Variants in SRRM3 observed in about 807,000 individuals in gnomAD.
The protein encoded by SRRM3 is serine/arginine repetitive matrix protein 3.
In SRRM3, 27 loss-of-function variants were observed where a neutral mutation model predicts 66.2. The observed-to-expected ratio is 0.41, with a 90% CI of 0.30 to 0.56. The LOEUF (loss-of-function observed/expected upper bound fraction) is 0.56, where lower values mean the gene tolerates loss of function less well. Ranked by LOEUF, SRRM3 falls within the 20% of genes least tolerant of loss-of-function variation. The pLI, the probability that SRRM3 is intolerant of heterozygous loss-of-function variation, is 0.32. For synonymous variants in SRRM3, 391 were observed against 414.9 expected (o/e 0.94, Z 0.70); for missense variants, 918 against 991.9 (o/e 0.93, Z 1.00).
At chr7:76,208,720 A>C (rs1800359576) in intron 1 of SRRM3, among the ~76,000 whole-genome samples, 1 of 151,924 alleles carries the variant, frequency 6.6e-6, no homozygotes, top group African/African-American at 2.4e-5. Context: ...CTGTAATCCC[A>C]GCTACTCAGG....
chr7:76,266,008 A>G (rs1802017224), intron 10 of SRRM3, among the ~76,000 whole-genome samples: 1 of 76,180 alleles, frequency 1.3e-5, no homozygotes, highest in Non-Finnish European at 2.0e-5. Flanking sequence ...AGCTGGGACT[A>G]CAGGCGCCCG....
intron 8 of SRRM3, among the ~76,000 whole-genome samples, chr7:76,264,213 G>A (rs1424637531): frequency 6.7e-6 from 1 of 149,900 alleles, no homozygotes; most frequent in African/African-American, 2.5e-5. Context: ...TATTGCCCAG[G>A]CTGGAGTGCA....
At chr7:76,216,029 G>C (rs552488589) in intron 1 of SRRM3, among the ~76,000 whole-genome samples, 43 of 150,632 alleles carry the variant, frequency 2.9e-4, no homozygotes, top group Non-Finnish European at 4.9e-4. Context: ...GGATGGTCTC[G>C]ATCTCCTGAC....
At chr7:76,256,577 T>C (rs1207050134) in intron 3 of SRRM3, among the ~76,000 whole-genome samples, 1 of 151,986 alleles carries the variant, frequency 6.6e-6, no homozygotes, top group Non-Finnish European at 1.5e-5. Flanking sequence ...ATTTATATTG[T>C]TATTTCTTGA....
chr7:76,261,607 G>A, intron 8 of SRRM3, 26 bp downstream of exon 8: 1 of 1,606,034 alleles, frequency 6.2e-7, no homozygotes, highest in Non-Finnish European at 8.5e-7. Flanking sequence ...CAGAGGACAT[G>A]GTCAGTGGTC....
chr7:76,213,211 A>T lies in SRRM3; in HGVS notation c.-40+11144A>T, dbSNP rs190771716. On this transcript the variant is annotated intron_variant, in intron 1 of 14. Transcript: ENST00000611745. ...TTTTTAGTAGAAACGGGGTTTCACT[A>T]TGTTGGCCAGGCTGGTCTCGAACTC... Among the ~76,000 whole-genome samples the T allele has an allele frequency of 3.2e-3, 488 of 151,508 alleles. 3 individuals are homozygous for T. Among genetic ancestry groups the T allele is most frequent in the South Asian group, 0.011 (52 of 4,798 alleles).
chr7:76,271,762 AAGG>A (rs1196175612), intron 11 of SRRM3, among the ~76,000 whole-genome samples: 1 of 152,186 alleles, frequency 6.6e-6, no homozygotes, highest in African/African-American at 2.4e-5. Context: ...CCCTGAGCAG[AAGG>A]AGGATTTGGG....
chr7:76,283,508 T>C (rs1563643920), intron 14 of SRRM3: 1 of 460,678 alleles, frequency 2.2e-6, no homozygotes. Flanking sequence ...TGTCTCCTTT[T>C]CTCCTTCATC....
intron 8 of SRRM3, among the ~76,000 whole-genome samples, chr7:76,261,827 T>C (rs1801880436): frequency 6.6e-6 from 1 of 151,834 alleles, no homozygotes; most frequent in Non-Finnish European, 1.5e-5. Context: ...CTAGACAACA[T>C]GGCAGGTCCA....
At chr7:76,250,388 C>T (rs1009387048) in intron 3 of SRRM3, among the ~76,000 whole-genome samples, 14 of 152,188 alleles carry the variant, frequency 9.2e-5, no homozygotes, top group Admixed American at 3.9e-4. Context: ...CCCACCATGA[C>T]GCCCCGCTAA....
At chr7:76,231,030 T>G (rs1474993532) in intron 1 of SRRM3, among the ~76,000 whole-genome samples, 1 of 152,004 alleles carries the variant, frequency 6.6e-6, no homozygotes, top group Non-Finnish European at 1.5e-5. Context: ...GGATTACAGG[T>G]GTGAGCCACT....
intron 1 of SRRM3, among the ~76,000 whole-genome samples, chr7:76,229,535 TG>T (rs1554604071): frequency 2.8e-4 from 42 of 152,110 alleles, no homozygotes; most frequent in Non-Finnish European, 1.5e-5. Context: ...ACCCTATTTT[TG>T]TTGATATATC....
At chr7:76,260,227 G>A (rs2117056955) in intron 5 of SRRM3, 30 bp downstream of exon 5, 2 of 1,501,894 alleles carry the variant, frequency 1.3e-6, no homozygotes, top group Non-Finnish European at 1.8e-6. Flanking sequence ...GGAGCGGGAA[G>A]GGAGGAGGAG....
chr7:76,241,837 C>T (rs1411965442), intron 2 of SRRM3, among the ~76,000 whole-genome samples: 2 of 152,212 alleles, frequency 1.3e-5, no homozygotes, highest in African/African-American at 4.8e-5. Flanking sequence ...CTACTATATG[C>T]CAGGCACTGT....
chr7:76,240,008 A>G (rs1801243332), intron 2 of SRRM3, among the ~76,000 whole-genome samples: 5 of 151,384 alleles, frequency 3.3e-5, no homozygotes, highest in Non-Finnish European at 7.4e-5. Context: ...TACTAAAAAT[A>G]CAAAACAATT....
chr7:76,269,495 TC>T (rs1554610227), intron 11 of SRRM3: 2 of 150,936 alleles, frequency 1.3e-5, no homozygotes, highest in African/African-American at 4.9e-5. Flanking sequence ...GAAACCGTCT[TC>T]GGGAAAAAAT....
At chr7:76,260,970 C>A in intron 6 of SRRM3, 67 bp downstream of exon 6, 1 of 1,510,210 alleles carries the variant, frequency 6.6e-7, no homozygotes, top group Non-Finnish European at 9.0e-7. Flanking sequence ...GATTCCAAGG[C>A]CATCCCCCAG....
chr7:76,260,593 GCC>G (rs1801839357), intron 5 of SRRM3, among the ~76,000 whole-genome samples: 2 of 149,812 alleles, frequency 1.3e-5, no homozygotes, highest in Non-Finnish European at 3.0e-5. Context: ...CCCTCACTGA[GCC>G]CTTCTCTAGC....
chr7:76,230,466 A>G (rs1212629174), intron 1 of SRRM3, among the ~76,000 whole-genome samples: 1 of 152,086 alleles, frequency 6.6e-6, no homozygotes, highest in East Asian at 1.9e-4. Flanking sequence ...CCTGGGCAAC[A>G]TAGCAAGATC....
Sources: gnomAD v4.1 joint callset for allele counts (sites outside exome capture counted in the v4.1 genomes callset) on GRCh38, gnomAD v4.1.1 for gene constraint, MANE v1.5 for transcripts, NCBI Gene and HGNC (gene_info 2026-07-23, HGNC 2026-07-21) for gene names.